ZRSR2: variants seen among roughly 807,000 people sequenced by gnomAD.
ZRSR2 encodes the protein U2 small nuclear ribonucleoprotein auxiliary factor 35 kDa subunit-related protein 2.
In ZRSR2, 3 loss-of-function variants were observed where a neutral mutation model predicts 39.4. The ratio of observed to expected loss-of-function variants is 0.08; its 90% CI spans 0.03 to 0.20. ZRSR2 has a LOEUF of 0.20. Ranked by LOEUF, ZRSR2 falls within the 10% of genes least tolerant of loss-of-function variation. The probability of loss-of-function intolerance (pLI) is 1.00; values close to 1 mark genes in which losing one functional copy is unlikely to be tolerated. For synonymous variants in ZRSR2, 137 were observed against 136.0 expected (o/e 1.01, Z -0.05); for missense variants, 256 against 391.5 (o/e 0.65, Z 2.92).
In ZRSR2 at chrX:15,820,335, A is replaced by AT. The variant is rs1251544284; in HGVS notation, c.937+26dup. The AT allele has an allele frequency of 3.4e-6, 4 of 1,171,316 alleles. No homozygotes were observed. The South Asian group carries it at 7.2e-5, about 21-fold the overall frequency. Reference sequence around the variant, plus strand: ...ATTTGTGGTAAAAGACAAAGTGATGATTTTTTTCCTCAATTGTTCCACTGC... The same window carrying AT: ...ATTTGTGGTAAAAGACAAAGTGATGATTTTTTTTCCTCAATTGTTCCACTGC... On this transcript the variant is annotated intron_variant, in intron 10 of 10. Transcript: ENST00000307771.
At chrX:15,817,284 G>C (rs781349513) in intron 8 of ZRSR2, among the ~76,000 whole-genome samples, 2 of 111,665 alleles carry the variant, frequency 1.8e-5, no homozygotes, top group African/African-American at 3.3e-5. Flanking sequence ...CAGCTGACAT[G>C]GATTCCCGAG....
At chrX:15,812,070 CAG>C (rs750641122) in intron 7 of ZRSR2, among the ~76,000 whole-genome samples, 70 of 111,011 alleles carry the variant, frequency 6.3e-4, no homozygotes, top group African/African-American at 2.1e-3. Flanking sequence ...GCTGGGACCA[CAG>C]GGGCCCGCCA....
At chrX:15,817,534 G>A (rs1353017573) in intron 8 of ZRSR2, among the ~76,000 whole-genome samples, 1 of 111,886 alleles carries the variant, frequency 8.9e-6, no homozygotes, top group Admixed American at 9.5e-5. Context: ...AACCTAACTA[G>A]TAATAGGAAC....
chrX:15,804,377 C>A, intron 5 of ZRSR2, 180 bp downstream of exon 5: 1 of 380,922 alleles, frequency 2.6e-6, no homozygotes, highest in Non-Finnish European at 3.4e-6. Flanking sequence ...CGGGTCCGTG[C>A]AGTGGCAGAT....
chrX:15,806,489 T>C (rs1486992485), intron 5 of ZRSR2, among the ~76,000 whole-genome samples: 1 of 111,287 alleles, frequency 9.0e-6, no homozygotes, highest in African/African-American at 3.3e-5. Flanking sequence ...TGCAGTGGCG[T>C]GATCTCTGCT....
chrX:15,816,737 C>T (rs3788926), intron 8 of ZRSR2, among the ~76,000 whole-genome samples: 2,519 of 111,198 alleles, frequency 0.023, 27 homozygotes, highest in Non-Finnish European at 0.037. Context: ...GGAATAGAAC[C>T]GTGATTTTTT....
intron 7 of ZRSR2, among the ~76,000 whole-genome samples, chrX:15,814,205 T>G (rs1406021392): frequency 4.5e-5 from 5 of 111,514 alleles, no homozygotes; most frequent in African/African-American, 9.8e-5. Flanking sequence ...AGGAAGGAAG[T>G]AAGAAAGTAA....
intron 5 of ZRSR2, among the ~76,000 whole-genome samples, chrX:15,805,656 G>T (rs549439722): frequency 7.2e-5 from 8 of 111,834 alleles, no homozygotes; most frequent in African/African-American, 2.6e-4. Context: ...AGCAGGCCAG[G>T]CGTGGTGGCT....
At chrX:15,811,899 C>T (rs1248855263) in intron 7 of ZRSR2, among the ~76,000 whole-genome samples, 1 of 111,817 alleles carries the variant, frequency 8.9e-6, no homozygotes, top group Non-Finnish European at 1.9e-5. Context: ...AATTAGTTTG[C>T]GAGCATTTCT....
intron 5 of ZRSR2, among the ~76,000 whole-genome samples, chrX:15,806,427 TA>T (rs1452737862): frequency 5.4e-5 from 6 of 110,158 alleles, no homozygotes; most frequent in Non-Finnish European, 7.6e-5. Flanking sequence ...ATCATTCATT[TA>T]AAAAAAAAAT....
chrX:15,798,980 G>T (rs891497869), intron 2 of ZRSR2, among the ~76,000 whole-genome samples: 1 of 111,106 alleles, frequency 9.0e-6, no homozygotes, highest in African/African-American at 3.3e-5. Flanking sequence ...GAGGTCAGGA[G>T]ATTGAGACCA....
At chrX:15,794,310 A>T (rs1569063087) in intron 2 of ZRSR2, among the ~76,000 whole-genome samples, 1 of 110,548 alleles carries the variant, frequency 9.0e-6, no homozygotes, top group East Asian at 2.8e-4. Context: ...ACAATGTGGG[A>T]GTTAGGGGAC....
At chrX:15,795,676 A>G (rs1421582569) in intron 2 of ZRSR2, among the ~76,000 whole-genome samples, 1 of 111,626 alleles carries the variant, frequency 9.0e-6, no homozygotes, top group African/African-American at 3.3e-5. Context: ...AGCTTTATAG[A>G]TAAGGGCAGT....
chrX:15,820,255 T>C lies in ZRSR2; in HGVS notation c.876T>C (p.Tyr292=). ...AALSLFNGRW[Y]AGRQLQCEFC... ...TTTCTCTGTTTAACGGACGATGGTATGCAGGACGACAGCTGCAGTGTGAAT... is the reference window on the plus strand; with the variant it reads ...TTTCTCTGTTTAACGGACGATGGTACGCAGGACGACAGCTGCAGTGTGAAT... Residue 292 remains tyrosine, a synonymous_variant, in exon 10 of 11, where the codon TAT becomes TAC. Transcript: ENST00000307771. 1 of 1,212,101 alleles carries C rather than the reference T, an allele frequency of 8.3e-7. No individual in the cohort carries two copies. The highest frequency in any genetic ancestry group is 1.8e-5 in the South Asian group (1 of 57,006).
chrX:15,791,952 G>A (rs996390264), intron 2 of ZRSR2, among the ~76,000 whole-genome samples: 5 of 111,247 alleles, frequency 4.5e-5, no homozygotes, highest in Non-Finnish European at 9.5e-5. Flanking sequence ...GTGAGCTACC[G>A]CCCCTGGCCC....
chrX:15,799,178 C>A (rs1198560302), intron 2 of ZRSR2, among the ~76,000 whole-genome samples: 2 of 73,965 alleles, frequency 2.7e-5, no homozygotes, highest in Non-Finnish European at 5.0e-5. Flanking sequence ...GAGCAAGACT[C>A]CCGTCTCAAA....
chrX:15,822,765 G>A lies in ZRSR2; in HGVS notation c.972G>A (p.Lys324=), dbSNP rs1933141114. 2 of 1,211,284 alleles carry A rather than the reference G, an allele frequency of 1.7e-6. No homozygotes were observed. Among genetic ancestry groups the A allele is most frequent in the Non-Finnish European group, 2.2e-6 (2 of 895,542 alleles). Reference sequence around the variant, plus strand: ...AAATACAACAATGTCCAAGAGGAAAGCACTGCAACTTTCTTCATGTGTTCA... The same window carrying A: ...AAATACAACAATGTCCAAGAGGAAAACACTGCAACTTTCTTCATGTGTTCA... The part of the protein sequence containing the change: ...LFEIQQCPRG[K]HCNFLHVFRN... The change falls in exon 11 of 11, where the codon AAG becomes AAA. Residue 324 remains lysine, a synonymous_variant. Transcript: ENST00000307771.
At chrX:15,800,191 T>C (rs956940657) in intron 3 of ZRSR2, among the ~76,000 whole-genome samples, 8 of 101,991 alleles carry the variant, frequency 7.8e-5, no homozygotes, top group South Asian at 4.5e-4. Context: ...TCTTTCTTTT[T>C]TTTTTTTTTT....
chrX:15,822,030 G>A (rs1199402804), intron 10 of ZRSR2, among the ~76,000 whole-genome samples: 1 of 108,913 alleles, frequency 9.2e-6, no homozygotes, highest in Non-Finnish European at 1.9e-5. Context: ...TCACTCTGTC[G>A]CCCAGGCTGG....
Sources: allele counts gnomAD v4.1 joint callset (sites outside exome capture counted in the v4.1 genomes callset), GRCh38; gene constraint gnomAD v4.1.1; transcripts MANE v1.5; gene names NCBI Gene and HGNC (gene_info 2026-07-23, HGNC 2026-07-21).